The following PTPRN2 variants were observed in gnomAD, a reference collection of about 807,000 sequenced individuals.
The protein encoded by PTPRN2 is protein tyrosine phosphatase receptor type N2.
PTPRN2 carries 74 observed loss-of-function variants against 118.8 expected under a neutral mutation model. The observed-to-expected ratio is 0.62, with a 90% CI of 0.52 to 0.76. The LOEUF (loss-of-function observed/expected upper bound fraction) is 0.76, where lower values mean the gene tolerates loss of function less well. Ranked by LOEUF, PTPRN2 falls within the 30% of genes least tolerant of loss-of-function variation. PTPRN2 has a pLI of 0.00. For synonymous variants in PTPRN2, 641 were observed against 608.0 expected, an observed-to-expected ratio of 1.05 and a Z score of -0.80; for missense variants, 1,481 against 1,394.4, an observed-to-expected ratio of 1.06 and a Z score of -0.99.
intron 11 of PTPRN2, among the ~76,000 whole-genome samples, chr7:157,984,938 C>T (rs1200209690): frequency 1.3e-5 from 2 of 152,190 alleles, no homozygotes; most frequent in East Asian, 3.9e-4. Flanking sequence ...CTGGCTTCCC[C>T]ACCCCGTGCT....
intron 11 of PTPRN2, among the ~76,000 whole-genome samples, chr7:157,950,749 C>A (rs143156332): frequency 2.0e-5 from 3 of 152,114 alleles, no homozygotes. Context: ...GGAGTGAAAG[C>A]GCCTTCTTTC....
intron 9 of PTPRN2, among the ~76,000 whole-genome samples, chr7:158,130,982 AC>A (rs1818185443): frequency 6.6e-6 from 1 of 151,384 alleles, no homozygotes; most frequent in Non-Finnish European, 1.5e-5. Context: ...ATACACAAAC[AC>A]ACATATGCAG....
chr7:158,392,457 G>A (rs1256200662), intron 2 of PTPRN2, among the ~76,000 whole-genome samples: 2 of 152,190 alleles, frequency 1.3e-5, no homozygotes, highest in Non-Finnish European at 2.9e-5. Context: ...GTTGTCTGGG[G>A]AACCATCCTG....
intron 12 of PTPRN2, among the ~76,000 whole-genome samples, chr7:157,847,886 C>A (rs536190265): frequency 1.3e-4 from 19 of 151,542 alleles, no homozygotes; most frequent in Non-Finnish European, 2.2e-4. Flanking sequence ...TCATGTGTGC[C>A]CGATGTTTAC....
intron 11 of PTPRN2, among the ~76,000 whole-genome samples, chr7:158,010,958 T>C (rs1000819772): frequency 6.6e-6 from 1 of 152,158 alleles, no homozygotes; most frequent in African/African-American, 2.4e-5. Context: ...ATCTTTCCAC[T>C]TAGAATAACA....
At chr7:157,805,599 GTTA>G (rs1563128408) in intron 12 of PTPRN2, among the ~76,000 whole-genome samples, 1 of 152,166 alleles carries the variant, frequency 6.6e-6, no homozygotes, top group East Asian at 1.9e-4. Context: ...ACGTTGTGTC[GTTA>G]TGTCTAGTGT....
chr7:157,818,317 G>C (rs568942490), intron 12 of PTPRN2, among the ~76,000 whole-genome samples: 5 of 152,096 alleles, frequency 3.3e-5, no homozygotes, highest in Admixed American at 3.3e-4. Flanking sequence ...TGGAGGCTGC[G>C]GTCTAGCAGC....
At chr7:157,549,455 G>A (rs1585015970) in intron 21 of PTPRN2, among the ~76,000 whole-genome samples, 1 of 151,754 alleles carries the variant, frequency 6.6e-6, no homozygotes, top group Non-Finnish European at 1.5e-5. Context: ...TAGATTAATG[G>A]ACTCAACCTT....
At chr7:158,527,391 C>G (rs1012884272) in intron 1 of PTPRN2, among the ~76,000 whole-genome samples, 1 of 152,338 alleles carries the variant, frequency 6.6e-6, no homozygotes, top group East Asian at 1.9e-4. Context: ...AGTCCTTGGA[C>G]GTGCTAAATC....
At chr7:158,007,045 C>T (rs144059641) in intron 11 of PTPRN2, among the ~76,000 whole-genome samples, 253 of 152,306 alleles carry the variant, frequency 1.7e-3, no homozygotes, top group African/African-American at 4.5e-3. Flanking sequence ...CCTGAGACTG[C>T]GCAGGCTGGC....
intron 2 of PTPRN2, among the ~76,000 whole-genome samples, chr7:158,431,614 G>T (rs2129429296): frequency 6.6e-6 from 1 of 150,464 alleles, no homozygotes. Context: ...CCACACACTG[G>T]CTCGCACTGG....
intron 12 of PTPRN2, among the ~76,000 whole-genome samples, chr7:157,844,010 C>T (rs1445787534): frequency 6.6e-6 from 1 of 152,212 alleles, no homozygotes; most frequent in African/African-American, 2.4e-5. Flanking sequence ...GACTCTGACC[C>T]CCTGCACGGA....
rs539161618 is a variant in PTPRN2, at chr7:158,512,912, C to T, written c.113-23127G>A. Among the ~76,000 whole-genome samples the T allele has an allele frequency of 2.0e-5, 3 of 152,262 alleles. No individual in the cohort carries two copies. In the South Asian group the frequency reaches 6.2e-4, roughly 32 times the overall value. On this transcript the variant is annotated intron_variant, in intron 1 of 22. Coordinates refer to ENST00000389418, the MANE Select transcript of PTPRN2 (RefSeq NM_002847.5). ...AAATGAAAAGTGTTATGTTATAGCC[C>T]AAAATATAACATAAAGTGTTGAATA...
intron 1 of PTPRN2, among the ~76,000 whole-genome samples, chr7:158,543,672 G>A (rs771765772): frequency 2.0e-5 from 3 of 152,204 alleles, no homozygotes; most frequent in African/African-American, 4.8e-5. Flanking sequence ...GTGAGGCCTC[G>A]TTGAACATGT....
At chr7:158,067,068 T>C (rs1445320770) in intron 11 of PTPRN2, among the ~76,000 whole-genome samples, 1 of 152,224 alleles carries the variant, frequency 6.6e-6, no homozygotes, top group Non-Finnish European at 1.5e-5. Flanking sequence ...TTCTTACACC[T>C]GGCACCTAAG....
Position 157,833,982 on chromosome 7 carries a change from C to T in PTPRN2, c.1788+64691G>A, listed in dbSNP as rs145281178. Among the ~76,000 whole-genome samples, 549 of 152,278 alleles carry T rather than the reference C, an allele frequency of 3.6e-3. 2 individuals carry two copies. The highest frequency in any genetic ancestry group is 0.012 in the African/African-American group (512 of 41,522). On this transcript the variant is annotated intron_variant, in intron 12 of 22. Coordinates refer to ENST00000389418, the MANE Select transcript of PTPRN2 (RefSeq NM_002847.5). ...CCCCAGATTCTCTCTGACCTGGTGC[C>T]GAAAGAAGGAGCTGGCGGATTTCTC... is the stretch of plus-strand genomic sequence containing the variant.
intron 12 of PTPRN2, among the ~76,000 whole-genome samples, chr7:157,732,099 T>C (rs368807425): frequency 3.8e-3 from 137 of 36,012 alleles, no homozygotes; most frequent in East Asian, 0.036. Context: ...CCCTTTCCCG[T>C]CCCACGCGCC....
At chr7:157,898,118 G>A (rs1797238672) in intron 12 of PTPRN2, among the ~76,000 whole-genome samples, 2 of 152,072 alleles carry the variant, frequency 1.3e-5, no homozygotes, top group South Asian at 2.1e-4. Flanking sequence ...GACACACAGG[G>A]GCTTGACAGA....
chr7:158,158,243 A>T (rs10280226), intron 6 of PTPRN2, among the ~76,000 whole-genome samples: 134,857 of 152,108 alleles, frequency 0.89, 60,048 homozygotes, highest in African/African-American at 0.97. Flanking sequence ...GGTATCAGTT[A>T]TTTCTGTGTT....
Sources: gnomAD v4.1 joint callset for allele counts (sites outside exome capture counted in the v4.1 genomes callset) on GRCh38, gnomAD v4.1.1 for gene constraint, MANE v1.5 for transcripts, NCBI Gene and HGNC (gene_info 2026-07-23, HGNC 2026-07-21) for gene names.